Variants in TBC1D15 observed in about 807,000 individuals in gnomAD.
TBC1D15 encodes TBC1 domain family member 15.
In TBC1D15, 39 loss-of-function variants were observed where a neutral mutation model predicts 95.4. The ratio of observed to expected loss-of-function variants is 0.41; its 90% CI spans 0.32 to 0.53. The LOEUF (loss-of-function observed/expected upper bound fraction) is 0.53, where lower values mean the gene tolerates loss of function less well. Among genes scored for constraint, TBC1D15 ranks in the 20% least tolerant of loss-of-function variants. The pLI is 0.29. For missense variants in TBC1D15, 733 were observed against 794.3 expected (o/e 0.92, Z 0.93); for synonymous variants, 258 against 261.3 (o/e 0.99, Z 0.12).
chr12:71,871,579 C>T (rs1892695477), intron 1 of TBC1D15, among the ~76,000 whole-genome samples: 1 of 151,994 alleles, frequency 6.6e-6, no homozygotes, highest in Non-Finnish European at 1.5e-5. Context: ...AAAAAAAATA[C>T]TTATTTTTTT....
At position 71,872,921 on chromosome 12, in the gene TBC1D15, T is replaced by C. The variant is rs772760613; in HGVS notation, c.130-8T>C. 1.3e-6 allele frequency: 2 copies of C among 1,587,724 alleles called. No homozygotes were observed. The highest frequency in any genetic ancestry group is 3.6e-5 in the Admixed American group (2 of 55,642). On this transcript the variant is annotated splice_region_variant and splice_polypyrimidine_tract_variant and intron_variant, in intron 2 of 16. Transcript: ENST00000485960. ...ATATTAAATATAGTTCATAATTTCT[T>C]TCTCTAGGATGCCGAAGTAATAGTG...
intron 14 of TBC1D15, among the ~76,000 whole-genome samples, chr12:71,918,840 C>G (rs1451237101): frequency 2.6e-5 from 4 of 152,294 alleles, no homozygotes; most frequent in Admixed American, 2.0e-4. Context: ...TGAGACTTGA[C>G]TTTATGTGAG....
In TBC1D15 at chr12:71,839,814, A is replaced by G. The variant is rs1170844343; in HGVS notation, c.30+3A>G. The G allele has an allele frequency of 4.3e-6, 7 of 1,613,948 alleles. No individual in the cohort carries two copies. Among genetic ancestry groups the G allele is most frequent in the Admixed American group, 1.7e-5 (1 of 59,996 alleles). ...CGGCGGGTGTTGTGAGCGGGAAGGT[A>G]GGTAACGGCCTCCAGGAAGACCTCG... On this transcript the variant is annotated splice_donor_region_variant and intron_variant, in intron 1 of 16. Coordinates refer to ENST00000485960, the MANE Select transcript of TBC1D15 (RefSeq NM_001146213.3).
intron 3 of TBC1D15, among the ~76,000 whole-genome samples, chr12:71,875,217 G>A (rs192922244): frequency 1.3e-5 from 2 of 152,218 alleles, no homozygotes; most frequent in East Asian, 3.9e-4. Flanking sequence ...GGCATTACAG[G>A]GTAGTTACTT....
rs563579018 is a variant in TBC1D15 at position 71,875,522 on chromosome 12, A to G, written c.204+2519A>G. Among the ~76,000 whole-genome samples, 32 of 148,782 alleles carry G rather than the reference A, an allele frequency of 2.2e-4. No homozygotes were observed. In the South Asian group the frequency reaches 6.6e-3, roughly 31 times the overall value. On this transcript the variant is annotated intron_variant, in intron 3 of 16. Transcript: ENST00000485960. ...TTATAGTTTTAGCTCTTATATTTAG[A>G]TTGGTGATTTTTTTTTTCTTTCTTC...
At chr12:71,861,164 T>C (rs1284937675) in intron 1 of TBC1D15, among the ~76,000 whole-genome samples, 1 of 152,146 alleles carries the variant, frequency 6.6e-6, no homozygotes, top group African/African-American at 2.4e-5. Flanking sequence ...GCCTATGGTG[T>C]TCTTTTTTTG....
At chr12:71,844,217 G>A (rs1450558978) in intron 1 of TBC1D15, among the ~76,000 whole-genome samples, 4 of 152,186 alleles carry the variant, frequency 2.6e-5, no homozygotes, top group Non-Finnish European at 4.4e-5. Context: ...TCTTGGCCCT[G>A]CAGCCACTTT....
chr12:71,849,658 T>C (rs1565940949), intron 1 of TBC1D15: 2 of 566,784 alleles, frequency 3.5e-6, no homozygotes, highest in South Asian at 3.4e-5. Flanking sequence ...CGGTAGTAGT[T>C]TTCCATCAGC....
chr12:71,839,929 C>T, intron 1 of TBC1D15, 118 bp downstream of exon 1: 1 of 1,306,490 alleles, frequency 7.7e-7, no homozygotes, highest in Non-Finnish European at 1.1e-6. Context: ...CAACCCGTGG[C>T]GTCTGTAGGA....
intron 4 of TBC1D15, 21 bp from the exon 5 acceptor site, chr12:71,884,789 GC>G: frequency 6.2e-7 from 1 of 1,611,872 alleles, no homozygotes; most frequent in Non-Finnish European, 8.5e-7. Flanking sequence ...AAAATATTTT[GC>G]CCCACTTTCT....
intron 1 of TBC1D15, among the ~76,000 whole-genome samples, chr12:71,846,243 C>T (rs573563485): frequency 6.6e-6 from 1 of 152,316 alleles, no homozygotes; most frequent in Admixed American, 6.5e-5. Flanking sequence ...AGCAGGCCAT[C>T]ATTGGAAGTT....
intron 5 of TBC1D15, among the ~76,000 whole-genome samples, chr12:71,885,787 G>A (rs1247292320): frequency 1.3e-5 from 2 of 152,160 alleles, no homozygotes; most frequent in Admixed American, 6.5e-5. Context: ...AAGCATCTAA[G>A]TAGAGACCTG....
intron 6 of TBC1D15, chr12:71,894,197 C>A: frequency 1.4e-6 from 1 of 727,540 alleles, no homozygotes; most frequent in Non-Finnish European, 2.3e-6. Flanking sequence ...GCATGATTTA[C>A]TATTCATATA....
At chr12:71,860,961 G>T (rs571594535) in intron 1 of TBC1D15, among the ~76,000 whole-genome samples, 1 of 152,220 alleles carries the variant, frequency 6.6e-6, no homozygotes, top group South Asian at 2.1e-4. Flanking sequence ...CTATTGAGAT[G>T]ATCGTATGAT....
At position 71,873,023 on chromosome 12, in the gene TBC1D15, G is replaced by A. The variant is rs1430666638; in HGVS notation, c.204+20G>A. ...AGAAAGGTATTTAAGAAAAAAATGT[G>A]TTACTAAGGGAATGCCATTTAAAAA... On this transcript the variant is annotated intron_variant, in intron 3 of 16. Transcript: ENST00000485960. 37 of 1,504,854 alleles carry A rather than the reference G, an allele frequency of 2.5e-5. No individual in the cohort carries two copies. The Admixed American group carries it at 7.0e-4, about 28-fold the overall frequency. 93.2% of individuals were successfully genotyped at this position (1,504,854 alleles called of 1,614,324 possible).
intron 1 of TBC1D15, among the ~76,000 whole-genome samples, chr12:71,845,625 G>T (rs1886096064): frequency 2.6e-5 from 4 of 152,208 alleles, no homozygotes; most frequent in African/African-American, 9.6e-5. Flanking sequence ...ATTTCCTGGG[G>T]ATGCTTTCTG....
chr12:71,915,322 C>G (rs781381301), intron 12 of TBC1D15, among the ~76,000 whole-genome samples: 5 of 151,656 alleles, frequency 3.3e-5, no homozygotes, highest in Non-Finnish European at 7.4e-5. Flanking sequence ...GGGATTATAT[C>G]TTGTTTCACT....
chr12:71,899,979 A>C (rs1898998346), intron 10 of TBC1D15, among the ~76,000 whole-genome samples: 1 of 152,086 alleles, frequency 6.6e-6, no homozygotes, highest in Non-Finnish European at 1.5e-5. Context: ...AAAACCAAAA[A>C]AAGTAGGTGG....
At chr12:71,922,677 A>G (rs932298687) in intron 16 of TBC1D15, among the ~76,000 whole-genome samples, 1 of 152,238 alleles carries the variant, frequency 6.6e-6, no homozygotes, top group African/African-American at 2.4e-5. Context: ...GATCTAAGAA[A>G]GATATTATTA....
Sources: gnomAD v4.1 joint callset for allele counts (sites outside exome capture counted in the v4.1 genomes callset) on GRCh38, gnomAD v4.1.1 for gene constraint, MANE v1.5 for transcripts, NCBI Gene and HGNC (gene_info 2026-07-23, HGNC 2026-07-21) for gene names.